The following DNAI7 variants were observed in gnomAD, a reference collection of about 807,000 sequenced individuals.
The protein encoded by DNAI7 is dynein axonemal intermediate chain 7.
In DNAI7, 78 loss-of-function variants were observed where a neutral mutation model predicts 86.6. That is an observed-to-expected ratio of 0.90 (90% CI 0.75 to 1.09). The LOEUF (loss-of-function observed/expected upper bound fraction) is 1.09, where lower values mean the gene tolerates loss of function less well. Among genes scored for constraint, DNAI7 ranks in the 50% least tolerant of loss-of-function variants. The pLI is 0.00. For synonymous variants in DNAI7, 274 were observed against 273.0 expected (o/e 1.00, Z -0.04); for missense variants, 753 against 810.2 (o/e 0.93, Z 0.86).
intron 4 of DNAI7, among the ~76,000 whole-genome samples, chr12:25,156,302 G>C (rs1366646226): frequency 6.6e-6 from 1 of 152,164 alleles, no homozygotes; most frequent in African/African-American, 2.4e-5. Context: ...TAATTTGGTA[G>C]ACATTCTCTC....
intron 2 of DNAI7, among the ~76,000 whole-genome samples, chr12:25,175,357 A>G (rs1948841791): frequency 6.6e-6 from 1 of 151,920 alleles, no homozygotes. Flanking sequence ...GATGAACTAT[A>G]TGTTTTGCTT....
chr12:25,171,771 C>T (rs1253526516), intron 2 of DNAI7, among the ~76,000 whole-genome samples: 1 of 152,136 alleles, frequency 6.6e-6, no homozygotes, highest in Non-Finnish European at 1.5e-5. Flanking sequence ...AGATAATTCA[C>T]CATGACCAGC....
intron 2 of DNAI7, among the ~76,000 whole-genome samples, chr12:25,185,118 A>G (rs10842499): frequency 0.39 from 58,546 of 151,996 alleles, 13,051 homozygotes; most frequent in East Asian, 0.79. Flanking sequence ...AGCCTGGGTG[A>G]CACAGCAAGA....
At chr12:25,139,117 T>C (rs986405528) in intron 9 of DNAI7, among the ~76,000 whole-genome samples, 1 of 151,946 alleles carries the variant, frequency 6.6e-6, no homozygotes, top group East Asian at 1.9e-4. Flanking sequence ...AGGAGATGAA[T>C]AGATTCCTGG....
chr12:25,124,386 T>C (rs939538447), intron 9 of DNAI7, among the ~76,000 whole-genome samples: 7 of 151,848 alleles, frequency 4.6e-5, no homozygotes, highest in Admixed American at 1.3e-4. Flanking sequence ...AGCTCCTAAA[T>C]AGTAGTGGCA....
chr12:25,122,466 A>G (rs574752444), intron 10 of DNAI7, among the ~76,000 whole-genome samples: 3 of 145,226 alleles, frequency 2.1e-5, no homozygotes, highest in East Asian at 3.9e-4. Flanking sequence ...AAAAAAAAAA[A>G]AAGAAGGAGA....
chr12:25,136,671 C>T (rs777199866), intron 9 of DNAI7, among the ~76,000 whole-genome samples: 8 of 151,752 alleles, frequency 5.3e-5, no homozygotes, highest in African/African-American at 9.7e-5. Context: ...ATGATACAGG[C>T]GATGGATAAA....
At chr12:25,167,380 G>A (rs181587325) in intron 2 of DNAI7, among the ~76,000 whole-genome samples, 1 of 152,168 alleles carries the variant, frequency 6.6e-6, no homozygotes, top group East Asian at 1.9e-4. Flanking sequence ...CCCTCTTAGA[G>A]TGGATAGATG....
At chr12:25,165,250 G>A (rs1209355187) in intron 2 of DNAI7, among the ~76,000 whole-genome samples, 2 of 152,154 alleles carry the variant, frequency 1.3e-5, no homozygotes, top group Non-Finnish European at 2.9e-5. Context: ...CGCCTTCAAG[G>A]TGTACAATAA....
intron 12 of DNAI7, among the ~76,000 whole-genome samples, chr12:25,117,126 G>GT (rs1565632568): frequency 6.6e-6 from 1 of 151,818 alleles, no homozygotes; most frequent in East Asian, 1.9e-4. Context: ...TGGAGATGGT[G>GT]TTTCTCCATG....
chr12:25,187,901 GC>G lies in DNAI7; in HGVS notation c.21+2712del, dbSNP rs544642381. ...CAATCCCACAACACAGTAATGCAGAGCAAAAAAAAAAGAAGGCTTGCATATG... is the reference window on the plus strand; with the variant it reads ...CAATCCCACAACACAGTAATGCAGAGAAAAAAAAAAGAAGGCTTGCATATG... On this transcript the variant is annotated intron_variant, in intron 2 of 15. Transcript: ENST00000395987. Among the ~76,000 whole-genome samples the G allele has an allele frequency of 2.5e-3, 9 of 3,538 alleles. No individual in the cohort carries two copies. The East Asian group carries it at 0.068, about 27-fold the overall frequency. The allele number at this position is 3,538 out of a possible 152,430, so 2.3% of individuals were successfully genotyped here.
At chr12:25,173,867 T>G (rs1948422319) in intron 2 of DNAI7, among the ~76,000 whole-genome samples, 1 of 89,600 alleles carries the variant, frequency 1.1e-5, no homozygotes, top group African/African-American at 5.6e-5. Flanking sequence ...GTATACCACA[T>G]CATATATATA....
intron 2 of DNAI7, among the ~76,000 whole-genome samples, chr12:25,170,390 C>CAA (rs756021792): frequency 3.3e-5 from 3 of 90,578 alleles, no homozygotes; most frequent in Non-Finnish European, 2.4e-5. Context: ...GACTCCGTCT[C>CAA]AAAAAAAAAA....
downstream of DNAI7, chr12:25,108,200 T>A: frequency 1.1e-6 from 1 of 951,848 alleles, no homozygotes; most frequent in East Asian, 2.6e-5. Context: ...ACATTTCCTC[T>A]TTTTGCCTTT....
intron 11 of DNAI7, among the ~76,000 whole-genome samples, 158 bp from the exon 12 acceptor site, chr12:25,119,459 T>C (rs778189596): frequency 7.2e-5 from 11 of 152,210 alleles, no homozygotes; most frequent in Non-Finnish European, 1.5e-4. Flanking sequence ...ATTTAAAAGA[T>C]ACATGATTGA....
At chr12:25,165,056 G>A (rs1010081375) in intron 2 of DNAI7, among the ~76,000 whole-genome samples, 30 of 151,978 alleles carry the variant, frequency 2.0e-4, no homozygotes, top group Admixed American at 2.0e-3. Context: ...AATAAAAAAC[G>A]CAGCCCAGTT....
intron 13 of DNAI7, among the ~76,000 whole-genome samples, chr12:25,114,023 G>T (rs1399690103): frequency 7.1e-6 from 1 of 141,572 alleles, no homozygotes; most frequent in Non-Finnish European, 1.5e-5. Context: ...TCGGCTCATG[G>T]CAACCTCCCC....
rs909072492 is a variant in DNAI7 at position 25,142,763 on chromosome 12, AT to A, written c.1002+1601del. Among the ~76,000 whole-genome samples, 145 of 152,302 alleles carry A rather than the reference AT, an allele frequency of 9.5e-4. 13 individuals carry two copies. The highest frequency in any genetic ancestry group is 3.3e-4 in the Admixed American group (5 of 15,296). On this transcript the variant is annotated intron_variant, in intron 9 of 15. Transcript: ENST00000395987. ...CTTTATTTTAGGTTAATGGGGTTTA[AT>A]TTTGTATTTTACTCCATATTGAAAC... is the stretch of plus-strand genomic sequence containing the variant.
Position 25,161,147 on chromosome 12 carries a change from T to A in DNAI7, c.72A>T (p.Leu24=), listed in dbSNP as rs749795559. Residue 24 remains leucine, a synonymous_variant, in exon 3 of 16, where the codon CTA becomes CTT. Transcript: ENST00000395987. ...KVTKAERLKL[L]QEEEERRLKE... ...TCAGTCGTCTCTCCTCCTCCTCTTG[T>A]AGCAGCTTCAATCGTTCAGCTTTGG... 1 of 1,613,932 alleles carries A rather than the reference T, an allele frequency of 6.2e-7. No individual in the cohort carries two copies. Among genetic ancestry groups the A allele is most frequent in the Non-Finnish European group, 8.5e-7 (1 of 1,179,880 alleles).
Sources: allele counts gnomAD v4.1 joint callset (sites outside exome capture counted in the v4.1 genomes callset), GRCh38; gene constraint gnomAD v4.1.1; transcripts MANE v1.5; gene names NCBI Gene and HGNC (gene_info 2026-07-23, HGNC 2026-07-21).